The following ADAMTS13 variants were observed in gnomAD, a reference collection of about 807,000 sequenced individuals.
The protein encoded by ADAMTS13 is A disintegrin and metalloproteinase with thrombospondin motifs 13.
In ADAMTS13, 110 loss-of-function variants were observed where a neutral mutation model predicts 155.1. That is an observed-to-expected ratio of 0.71 (90% CI 0.61 to 0.83). ADAMTS13 has a LOEUF of 0.83. Among genes scored for constraint, ADAMTS13 ranks in the 40% least tolerant of loss-of-function variants. ADAMTS13 has a pLI of 0.00. For synonymous variants in ADAMTS13, 758 were observed against 756.4 expected (o/e 1.00, Z -0.03); for missense variants, 1,707 against 1,891.7 (o/e 0.90, Z 1.81).
intron 9 of ADAMTS13, among the ~76,000 whole-genome samples, 154 bp from the exon 10 acceptor site, chr9:133,433,224 G>T (rs587720719): frequency 3.5e-4 from 53 of 151,168 alleles, no homozygotes; most frequent in African/African-American, 1.3e-3. Flanking sequence ...GATCCCTATG[G>T]GTGAGTTCCT....
rs782584684 is a variant in ADAMTS13, at chr9:133,444,990, G to A, written c.2548G>A (p.Asp850Asn). ...AGTGACTGAGGGGCCTGGCTCCGTAGATGAGAAGCTGCCTGCCCCTGAGCC... is the reference window on the plus strand; with the variant it reads ...AGTGACTGAGGGGCCTGGCTCCGTAAATGAGAAGCTGCCTGCCCCTGAGCC... ...APVTEGPGSV[D>N]EKLPAPEPCV... Residue 850 changes from aspartate to asparagine, a missense_variant, in exon 20 of 29, where the codon GAT becomes AAT. Transcript: ENST00000355699. 1 of 1,613,510 alleles carries A rather than the reference G, an allele frequency of 6.2e-7. No homozygotes were observed. Among genetic ancestry groups the A allele is most frequent in the Non-Finnish European group, 8.5e-7 (1 of 1,180,022 alleles).
Position 133,458,028 on chromosome 9 carries a change from T to C in ADAMTS13, c.3843T>C (p.Ile1281=). ...TTAATGTGGCTCCGCACGCACGGAT[T>C]GCCATCCATGCCCTGGCCACCAACA... ...LFINVAPHAR[I]AIHALATNMG... is the part of the protein sequence containing the mutation. The change falls in exon 28 of 29, where the codon ATT becomes ATC. Residue 1281 remains isoleucine (I), a synonymous_variant. Coordinates refer to ENST00000355699, the MANE Select transcript of ADAMTS13 (RefSeq NM_139027.6). 6.2e-7 allele frequency: 1 copy of C among 1,613,452 alleles called. No homozygotes were observed. The highest frequency in any genetic ancestry group is 8.5e-7 in the Non-Finnish European group (1 of 1,180,022).
At position 133,437,884 on chromosome 9, in the gene ADAMTS13, C is replaced by A; in HGVS notation, c.1571C>A (p.Ser524Ter). ...REDGTLSLCVSGSCRTFGCDG... is the reference protein window; with the variant it reads ...REDGTLSLCV ...GACGGGACCCTGAGCCTGTGTGTGT[C>A]GGGCAGCTGCAGGGTAGGCGTGTGT... is the stretch of plus-strand genomic sequence containing the variant. The change falls in exon 13 of 29, where the codon TCG (serine) becomes TAG (stop). Residue 524 changes from serine to a stop codon, truncating the protein, a stop_gained. Transcript: ENST00000355699. LOFTEE classifies it high-confidence loss of function. 1.2e-6 allele frequency: 2 copies of A among 1,613,590 alleles called. No individual in the cohort carries two copies. The highest frequency in any genetic ancestry group is 1.7e-6 in the Non-Finnish European group (2 of 1,179,954).
At chr9:133,439,522 C>T (rs911333908) in intron 15 of ADAMTS13, 76 bp downstream of exon 15, 1 of 1,317,040 alleles carries the variant, frequency 7.6e-7, no homozygotes, top group African/African-American at 1.4e-5. Flanking sequence ...GATGCCCTCA[C>T]TTCTGACATC....
chr9:133,426,296 G>T lies in ADAMTS13; in HGVS notation c.637G>T (p.Asp213Tyr). The stretch of plus-strand genomic sequence containing the variant: ...AACCTGGAGCTGCCTCATTACCGAG[G>T]ACACTGGCTTCGACCTGGGAGTCAC... ...SPTWSCLITE[D>Y]TGFDLGVTIA... The change falls in exon 6 of 29, where the codon GAC (aspartate) becomes TAC (tyrosine). Residue 213 changes from aspartate (D) to tyrosine (Y), a missense_variant. By Grantham distance (160) the Asp-to-Tyr change is radical. Transcript: ENST00000355699. 1 of 1,608,108 alleles carries T rather than the reference G, an allele frequency of 6.2e-7. No homozygotes were observed.
chr9:133,431,353 G>T (rs150310618), intron 8 of ADAMTS13, among the ~76,000 whole-genome samples: 1,536 of 144,938 alleles, frequency 0.011, 32 homozygotes, highest in African/African-American at 0.037. Flanking sequence ...TTGAGACAGA[G>T]TCTCACTCTG....
chr9:133,418,700 C>T (rs587654526), upstream of ADAMTS13, among the ~76,000 whole-genome samples: 2 of 152,300 alleles, frequency 1.3e-5, no homozygotes, highest in South Asian at 2.1e-4. Flanking sequence ...GTAATCAGAA[C>T]GCAACAGAAC....
upstream of ADAMTS13, among the ~76,000 whole-genome samples, chr9:133,418,813 G>A (rs1554782361): frequency 6.6e-6 from 1 of 152,218 alleles, no homozygotes; most frequent in Non-Finnish European, 1.5e-5. Context: ...CCAGGGCGCG[G>A]CGCCGGGCTG....
At chr9:133,436,061 C>T (rs1463163045) in intron 11 of ADAMTS13, among the ~76,000 whole-genome samples, 1 of 150,278 alleles carries the variant, frequency 6.7e-6, no homozygotes, top group Non-Finnish European at 1.5e-5. Context: ...AGGTGATCCG[C>T]CCACCTTAGC....
intron 1 of ADAMTS13, chr9:133,415,075 A>C: frequency 1.5e-6 from 2 of 1,374,002 alleles, no homozygotes; most frequent in Non-Finnish European, 2.0e-6. Context: ...CAGATTGAAA[A>C]AACTTACGTG....
Position 133,445,895 on chromosome 9 carries a change from T to C in ADAMTS13, c.2731+76T>C. 1 of 1,505,172 alleles carries C rather than the reference T, an allele frequency of 6.6e-7. No individual in the cohort carries two copies. The highest frequency in any genetic ancestry group is 8.9e-7 in the Non-Finnish European group (1 of 1,126,730). 93.2% of individuals were successfully genotyped at this position (1,505,172 alleles called of 1,614,324 possible). Reference sequence around the variant, plus strand: ...TGTCCACTTGCATCTTGCCTCGTTCTGAAAAGCATTTGAGGTGGATTGCAG... The same window carrying C: ...TGTCCACTTGCATCTTGCCTCGTTCCGAAAAGCATTTGAGGTGGATTGCAG... On this transcript the variant is annotated intron_variant, in intron 21 of 28. Coordinates refer to ENST00000355699, the MANE Select transcript of ADAMTS13 (RefSeq NM_139027.6). The surrounding 1 kb of genome is among the most constrained non-coding windows in gnomAD (Gnocchi z 5.0).
rs1554795886 is a variant in ADAMTS13 at position 133,456,165 on chromosome 9, G to A, written c.3497G>A (p.Gly1166Glu). ...DCAVAIGRPLGEVVTLRVLES... is the reference protein window; with the variant it reads ...DCAVAIGRPLEEVVTLRVLES... The stretch of plus-strand genomic sequence containing the variant: ...GCAGTGGCCATTGGGCGGCCCCTCG[G>A]GGAGGTGGTGACCCTCCGCGTCCTT... The change falls in exon 26 of 29, where the codon GGG (glycine) becomes GAG (glutamate). Residue 1166 changes from glycine to glutamate, a missense_variant. By Grantham distance (98) the Gly-to-Glu change is moderately conservative (BLOSUM62 -2). Coordinates refer to ENST00000355699, the MANE Select transcript of ADAMTS13 (RefSeq NM_139027.6). This position sits in a 1 kb window ranked among gnomAD's most constrained non-coding sequence, Gnocchi z 4.4. 13 of 1,613,568 alleles carry A rather than the reference G, an allele frequency of 8.1e-6. No individual in the cohort carries two copies. The highest frequency in any genetic ancestry group is 1.0e-5 in the Non-Finnish European group (12 of 1,180,042).
At chr9:133,448,454 G>A (rs1564435952) in intron 21 of ADAMTS13, 145 bp from the exon 22 acceptor site, 1 of 1,014,342 alleles carries the variant, frequency 9.9e-7, no homozygotes, top group South Asian at 1.3e-5. Flanking sequence ...TAAGTCAGTT[G>A]TCTGAGGTCA....
At position 133,446,051 on chromosome 9, in the gene ADAMTS13, C is replaced by T. The variant is rs36221592; in HGVS notation, c.2731+232C>T. On this transcript the variant is annotated intron_variant, in intron 21 of 28. Coordinates refer to ENST00000355699, the MANE Select transcript of ADAMTS13 (RefSeq NM_139027.6). ...GACAATAACGCCCGGCAGTGTGGCA[C>T]GAGAGCCATTCCTTATGGTCCTAGC... Among the ~76,000 whole-genome samples the T allele has an allele frequency of 0.03, 4,608 of 152,250 alleles. 219 individuals are homozygous for T. The highest frequency in any genetic ancestry group is 0.097 in the African/African-American group (4,031 of 41,516).
At chr9:133,427,122 G>C (rs891360868) in intron 6 of ADAMTS13, among the ~76,000 whole-genome samples, 2 of 152,254 alleles carry the variant, frequency 1.3e-5, no homozygotes, top group East Asian at 3.9e-4. Flanking sequence ...TCTTCCTAGG[G>C]TAAGTGCAGG....
At position 133,414,434 on chromosome 9, in the gene ADAMTS13, A is replaced by C. The variant is rs1251340561; in HGVS notation, n.77A>C. 3 of 691,008 alleles carry C rather than the reference A, an allele frequency of 4.3e-6. No homozygotes were observed. The East Asian group carries it at 8.2e-5, about 19-fold the overall frequency. 42.8% of individuals were successfully genotyped at this position (691,008 alleles called of 1,614,324 possible). On this transcript the variant is annotated non_coding_transcript_exon_variant, in exon 1 of 18. Coordinates refer to the ADAMTS13 transcript ENST00000485925. ...GCACGCTTTCCTTCCACACACGTGT[A>C]CTGGCACCCACTAAATGCTGAGCTC...
At chr9:133,437,687 G>A in intron 12 of ADAMTS13, 62 bp from the exon 13 acceptor site, 1 of 1,605,842 alleles carries the variant, frequency 6.2e-7, no homozygotes, top group East Asian at 2.2e-5. Context: ...AGCTGGGTGG[G>A]GGCTGGGGGA....
Position 133,425,991 on chromosome 9 carries a change from G to A in ADAMTS13, c.468G>A (p.Gly156=). 6.2e-7 allele frequency: 1 copy of A among 1,614,020 alleles called. No individual in the cohort carries two copies. The highest frequency in any genetic ancestry group is 8.5e-7 in the Non-Finnish European group (1 of 1,180,032). ...NLTSSLLSVC[G]WSQTINPEDD... is the part of the protein sequence containing the mutation. ...CCTCGTCCCTGCTGAGCGTCTGTGG[G>A]TGGAGCCAGACCATCAACCCTGAGG... Residue 156 remains glycine (G), a synonymous_variant, in exon 5 of 29, where the codon GGG becomes GGA. Coordinates refer to ENST00000355699, the MANE Select transcript of ADAMTS13 (RefSeq NM_139027.6). This position sits in a 1 kb window ranked among gnomAD's most constrained non-coding sequence, Gnocchi z 4.6.
Position 133,445,463 on chromosome 9 carries a change from G to A in ADAMTS13, c.2611-236G>A, listed in dbSNP as rs587732952. On this transcript the variant is annotated intron_variant, in intron 20 of 28. Transcript: ENST00000355699. The surrounding 1 kb of genome is among the most constrained non-coding windows in gnomAD (Gnocchi z 5.0). Reference sequence around the variant, plus strand: ...GTCCCACTCTTGGTCCCCAGCTCTCGGCCAGGCCCACAGTGAGCACTCATG... The same window carrying A: ...GTCCCACTCTTGGTCCCCAGCTCTCAGCCAGGCCCACAGTGAGCACTCATG... Among the ~76,000 whole-genome samples the A allele has an allele frequency of 2.0e-5, 3 of 152,256 alleles. No homozygotes were observed. The highest frequency in any genetic ancestry group is 4.1e-4 in the South Asian group (2 of 4,824).
Sources: gnomAD v4.1 joint callset for allele counts (sites outside exome capture counted in the v4.1 genomes callset) on GRCh38, gnomAD v4.1.1 for gene constraint, Gnocchi (gnomAD v3.1) non-coding constraint, MANE v1.5 for transcripts, NCBI Gene and HGNC (gene_info 2026-07-23, HGNC 2026-07-21) for gene names.